The following PTPRD variants were observed in gnomAD, a reference collection of about 807,000 sequenced individuals.
PTPRD encodes the protein receptor-type tyrosine-protein phosphatase delta.
A neutral mutation model predicts 214.5 loss-of-function variants in PTPRD; 34 were observed. That is an observed-to-expected ratio of 0.16 (90% CI 0.12 to 0.21). PTPRD has a LOEUF of 0.21. PTPRD is among the 10% of genes least tolerant of loss of function. PTPRD has a pLI of 1.00. For synonymous variants in PTPRD, 1,128 were observed against 845.7 expected (o/e 1.33, Z -5.79); for missense variants, 2,545 against 2,398.7 (o/e 1.06, Z -1.27).
intron 7 of PTPRD, among the ~76,000 whole-genome samples, chr9:9,632,618 A>G (rs75669853): frequency 7.0e-6 from 1 of 142,664 alleles, no homozygotes; most frequent in East Asian, 1.9e-4. Flanking sequence ...GAAAGTTAAA[A>G]AAAAAAAGGA....
At chr9:9,919,977 T>C (rs553282086) in intron 5 of PTPRD, among the ~76,000 whole-genome samples, 1 of 152,316 alleles carries the variant, frequency 6.6e-6, no homozygotes, top group African/African-American at 2.4e-5. Context: ...TATCTTCATA[T>C]ACACCTTGAA....
chr9:9,917,762 T>C (rs946699289), intron 5 of PTPRD, among the ~76,000 whole-genome samples: 1 of 152,004 alleles, frequency 6.6e-6, no homozygotes, highest in Non-Finnish European at 1.5e-5. Context: ...ATGGGAGTTA[T>C]CTCAGAAATG....
chr9:10,049,398 TAAA>T (rs754430055), intron 3 of PTPRD, among the ~76,000 whole-genome samples: 6 of 68,188 alleles, frequency 8.8e-5, no homozygotes, highest in Non-Finnish European at 1.3e-4. Context: ...CTTCTCTGGT[TAAA>T]AAAAAAAAAG....
intron 4 of PTPRD, among the ~76,000 whole-genome samples, chr9:10,001,152 T>C (rs1473975452): frequency 1.3e-5 from 2 of 152,074 alleles, no homozygotes; most frequent in African/African-American, 4.8e-5. Flanking sequence ...TTTATCTAAA[T>C]TGGCGTGAGA....
At chr9:9,316,985 CA>C (rs1963562263) in intron 9 of PTPRD, among the ~76,000 whole-genome samples, 1 of 152,140 alleles carries the variant, frequency 6.6e-6, no homozygotes, top group Non-Finnish European at 1.5e-5. Flanking sequence ...ACAATGTTGA[CA>C]AAACATGGCC....
chr9:9,000,704 G>T (rs757728108), intron 11 of PTPRD, among the ~76,000 whole-genome samples: 2 of 151,872 alleles, frequency 1.3e-5, no homozygotes, highest in Non-Finnish European at 2.9e-5. Context: ...ACATCTGACT[G>T]CTAAAAAACA....
At chr9:9,235,766 A>G (rs2134070494) in intron 9 of PTPRD, among the ~76,000 whole-genome samples, 1 of 152,136 alleles carries the variant, frequency 6.6e-6, no homozygotes, top group South Asian at 2.1e-4. Context: ...TAAAGTAAAA[A>G]TTTGTTTGTT....
At chr9:8,887,867 C>T (rs1232752816) in intron 11 of PTPRD, among the ~76,000 whole-genome samples, 1 of 152,196 alleles carries the variant, frequency 6.6e-6, no homozygotes, top group Non-Finnish European at 1.5e-5. Context: ...TATGCAAACA[C>T]ATCAGCGCTT....
chr9:9,448,924 G>T (rs2091320450), intron 8 of PTPRD, among the ~76,000 whole-genome samples: 1 of 152,044 alleles, frequency 6.6e-6, no homozygotes, highest in Non-Finnish European at 1.5e-5. Flanking sequence ...TGAAAAAAGA[G>T]AATGTTGTAT....
chr9:9,219,945 T>G (rs79585460), intron 9 of PTPRD, among the ~76,000 whole-genome samples: 2,544 of 152,266 alleles, frequency 0.017, 75 homozygotes, highest in African/African-American at 0.058. Context: ...ATTCTGTAGT[T>G]TTTTTCATCC....
chr9:9,094,622 A>G (rs182086019), intron 10 of PTPRD, among the ~76,000 whole-genome samples: 1 of 152,140 alleles, frequency 6.6e-6, no homozygotes, highest in African/African-American at 2.4e-5. Context: ...ATCACAATGG[A>G]AGAACTTATC....
At chr9:10,262,924 T>G (rs1478606273) in intron 3 of PTPRD, among the ~76,000 whole-genome samples, 3 of 152,096 alleles carry the variant, frequency 2.0e-5, no homozygotes, top group African/African-American at 7.2e-5. Flanking sequence ...GATAATTGAA[T>G]AAAGGGGGCA....
intron 2 of PTPRD, among the ~76,000 whole-genome samples, chr9:10,595,413 T>A (rs987545139): frequency 4.0e-5 from 6 of 151,856 alleles, no homozygotes; most frequent in African/African-American, 1.4e-4. Context: ...AAATCAGTGA[T>A]AATTCAGTAA....
chr9:10,455,510 C>T (rs1378849599), intron 2 of PTPRD, among the ~76,000 whole-genome samples: 7 of 151,708 alleles, frequency 4.6e-5, no homozygotes, highest in African/African-American at 1.4e-4. Context: ...GCCCCAGCCA[C>T]ACCTCAAACT....
chr9:8,856,054 G>A (rs2097909749), intron 11 of PTPRD, among the ~76,000 whole-genome samples: 1 of 152,178 alleles, frequency 6.6e-6, no homozygotes, highest in East Asian at 1.9e-4. Context: ...CATTTAGGAT[G>A]TCTGTTTCCA....
intron 8 of PTPRD, among the ~76,000 whole-genome samples, chr9:9,456,530 A>T (rs923507883): frequency 6.6e-6 from 1 of 151,842 alleles, no homozygotes; most frequent in African/African-American, 2.4e-5. Flanking sequence ...ACCAGATGGC[A>T]GAAAGAATAT....
intron 2 of PTPRD, among the ~76,000 whole-genome samples, chr9:10,353,953 T>C (rs181868289): frequency 6.6e-6 from 1 of 152,160 alleles, no homozygotes; most frequent in Admixed American, 6.5e-5. Context: ...AATTTTTTAC[T>C]TATTAAATAA....
intron 7 of PTPRD, among the ~76,000 whole-genome samples, chr9:9,625,089 A>G (rs1028833313): frequency 4.6e-5 from 7 of 152,212 alleles, no homozygotes; most frequent in African/African-American, 1.7e-4. Flanking sequence ...GGGAAATCAA[A>G]TTATTCGAAG....
chr9:8,524,813 A>G, intron 18 of PTPRD, 112 bp downstream of exon 18: 1 of 876,758 alleles, frequency 1.1e-6, no homozygotes, highest in Non-Finnish European at 1.9e-6. Flanking sequence ...AGCTACGGTC[A>G]CTATTACCAA....
Sources: gnomAD v4.1 joint callset for allele counts (sites outside exome capture counted in the v4.1 genomes callset) on GRCh38, gnomAD v4.1.1 for gene constraint, MANE v1.5 for transcripts, NCBI Gene and HGNC (gene_info 2026-07-23, HGNC 2026-07-21) for gene names.